KCNA3: variants seen among roughly 807,000 people sequenced by gnomAD.
The protein encoded by KCNA3 is RP11-284N8.3.
KCNA3 carries 18 observed loss-of-function variants against 34.3 expected under a neutral mutation model. The ratio of observed to expected loss-of-function variants is 0.52; its 90% CI spans 0.36 to 0.78. The LOEUF (loss-of-function observed/expected upper bound fraction) is 0.78. Among genes scored for constraint, KCNA3 ranks in the 30% least tolerant of loss-of-function variants. The pLI, the probability that KCNA3 is intolerant of heterozygous loss-of-function variation, is 0.00. For synonymous variants in KCNA3, 324 were observed against 351.7 expected (o/e 0.92, Z 0.88); for missense variants, 587 against 802.5 (o/e 0.73, Z 3.24).
Position 110,674,004 on chromosome 1 carries a change from G to T in KCNA3, c.806C>A (p.Thr269Lys), listed in dbSNP as rs1452444873. The T allele has an allele frequency of 1.9e-6, 3 of 1,613,140 alleles. No individual in the cohort carries two copies. The highest frequency in any genetic ancestry group is 1.7e-5 in the Admixed American group (1 of 59,972). ...FRDEKDYPAS[T>K]SQDSFEAAGN... ...GGCTGCTTCGAATGAGTCCTGCGAC[G>T]TCGAGGCGGGGTAGTCCTTCTCGTC... Residue 269 changes from threonine to lysine, a missense_variant, in exon 1 of 1, where the codon ACG becomes AAG. Thr to Lys is a moderately conservative substitution (Grantham distance 78). Transcript: ENST00000369769. The surrounding 1 kb of genome is among the most constrained non-coding windows in gnomAD (Gnocchi z 6.4).
Position 110,674,852 on chromosome 1 carries a change from C to T in KCNA3, c.-43G>A. ...GCAGCGGTGAGGCCAGGTCGCTCCT[C>T]CTCGCGCTCCCCGCCCTTTCGCCGC... On this transcript the variant is annotated 5_prime_UTR_variant, in exon 1 of 1. Coordinates refer to ENST00000369769, the MANE Select transcript of KCNA3 (RefSeq NM_002232.5). The surrounding 1 kb of genome is among the most constrained non-coding windows in gnomAD (Gnocchi z 6.4). 1 of 1,282,800 alleles carries T rather than the reference C, an allele frequency of 7.8e-7. No homozygotes were observed. The highest frequency in any genetic ancestry group is 9.8e-7 in the Non-Finnish European group (1 of 1,018,200). 79.5% of individuals were successfully genotyped at this position (1,282,800 alleles called of 1,614,324 possible). A position where few individuals can be genotyped will look rare whatever the true frequency, so the allele number is the denominator to read the frequency against.
At chr1:110,659,215 T>C in the KCNA3 span, among the ~76,000 whole-genome samples, 1 of 124,814 alleles carries the variant, frequency 8.0e-6, no homozygotes, top group Non-Finnish European at 1.7e-5. Flanking sequence ...GTTGGCTTGC[T>C]AGAAACAAAT....
At chr1:110,663,110 C>T in the KCNA3 span, among the ~76,000 whole-genome samples, 3 of 152,180 alleles carry the variant, frequency 2.0e-5, no homozygotes, top group South Asian at 2.1e-4. Flanking sequence ...AATGTAATGG[C>T]ACATAAGGCT....
chr1:110,667,167 C>G, the KCNA3 span, among the ~76,000 whole-genome samples: 5 of 151,888 alleles, frequency 3.3e-5, no homozygotes, highest in Non-Finnish European at 5.9e-5. Flanking sequence ...AAATAAGAAC[C>G]TTAGGATTCA....
At chr1:110,668,451 C>A (rs535163896), downstream of KCNA3, among the ~76,000 whole-genome samples, 2 of 152,240 alleles carry the variant, frequency 1.3e-5, no homozygotes, top group African/African-American at 2.4e-5. Context: ...TCTTTATATA[C>A]TATAGCAAAA....
chr1:110,660,418 T>G, the KCNA3 span, among the ~76,000 whole-genome samples: 2 of 152,126 alleles, frequency 1.3e-5, no homozygotes, highest in African/African-American at 4.8e-5. Flanking sequence ...TTCCAAGGAT[T>G]TTTTTTCCTG....
chr1:110,666,237 C>T, the KCNA3 span, among the ~76,000 whole-genome samples: 1 of 151,980 alleles, frequency 6.6e-6, no homozygotes, highest in Non-Finnish European at 1.5e-5. Context: ...TAATCAAGGG[C>T]ATCTTAAATT....
At chr1:110,668,192 A>ATATC (rs1197635860), downstream of KCNA3, among the ~76,000 whole-genome samples, 1 of 152,130 alleles carries the variant, frequency 6.6e-6, no homozygotes, top group East Asian at 1.9e-4. Context: ...GCAGCCCTAA[A>ATATC]TATCCTCTTC....
Position 110,673,349 on chromosome 1 carries a change from G to A in KCNA3, c.1461C>T (p.Tyr487=), listed in dbSNP as rs781278166. The change falls in exon 1 of 1, where the codon TAC becomes TAT. Residue 487 remains tyrosine, a synonymous_variant. Coordinates refer to ENST00000369769, the MANE Select transcript of KCNA3 (RefSeq NM_002232.5). The surrounding 1 kb of genome is among the most constrained non-coding windows in gnomAD (Gnocchi z 8.8). ...PVIVSNFNYF[Y]HRETEGEEQS... is the part of the protein sequence containing the mutation. ...GCTCTTCCCCTTCTGTCTCCCGGTG[G>A]TAGAAGTAATTGAAGTTGGAAACAA... 2 of 1,614,116 alleles carry A rather than the reference G, an allele frequency of 1.2e-6. No homozygotes were observed. The highest frequency in any genetic ancestry group is 2.2e-5 in the East Asian group (1 of 44,884).
chr1:110,674,818 G>C lies in KCNA3; in HGVS notation c.-9C>G, dbSNP rs947137661. 457 of 1,305,454 alleles carry C rather than the reference G, an allele frequency of 3.5e-4. No individual in the cohort carries two copies. The highest frequency in any genetic ancestry group is 4.3e-4 in the Non-Finnish European group (440 of 1,031,896). The allele number at this position is 1,305,454 out of a possible 1,614,324, so 80.9% of individuals were successfully genotyped here. On this transcript the variant is annotated 5_prime_UTR_variant, in exon 1 of 1. Coordinates refer to ENST00000369769, the MANE Select transcript of KCNA3 (RefSeq NM_002232.5). This position sits in a 1 kb window ranked among gnomAD's most constrained non-coding sequence, Gnocchi z 6.4. ...CTGAGGCGCTCGTCCATGCGGCGGG[G>C]AAGAGGCGGCAGCGGTGAGGCCAGG...
At chr1:110,668,605 C>T (rs1334598574), downstream of KCNA3, among the ~76,000 whole-genome samples, 1 of 152,138 alleles carries the variant, frequency 6.6e-6, no homozygotes, top group African/African-American at 2.4e-5. Flanking sequence ...TGACATAATG[C>T]TTCCTCCTAT....
chr1:110,672,167 G>A (rs1158521619), downstream of KCNA3, among the ~76,000 whole-genome samples: 1 of 152,154 alleles, frequency 6.6e-6, no homozygotes, highest in Non-Finnish European at 1.5e-5. Flanking sequence ...CCTTTTTCGG[G>A]TTTCCCAGGA....
downstream of KCNA3, among the ~76,000 whole-genome samples, chr1:110,671,228 G>C (rs550525725): frequency 6.6e-6 from 1 of 152,332 alleles, no homozygotes; most frequent in African/African-American, 2.4e-5. Context: ...AGTTTGGCTT[G>C]AGTGAAGGTT....
In KCNA3 at chr1:110,674,440, G is replaced by GC; in HGVS notation, c.369_370insG (p.Gln124AlafsTer196). 1 of 1,614,120 alleles carries GC rather than the reference G, an allele frequency of 6.2e-7. No homozygotes were observed. Among genetic ancestry groups the GC allele is most frequent in the Non-Finnish European group, 8.5e-7 (1 of 1,179,998 alleles). ...TCGCCCAGCAGCGTCTCGGGGAACT[G>GC]GCAAAGGGTCTTCAGCTGCGTCTCG... On this transcript the variant is annotated frameshift_variant, in exon 1 of 1. Transcript: ENST00000369769. LOFTEE classifies it high-confidence loss of function. The surrounding 1 kb of genome is among the most constrained non-coding windows in gnomAD (Gnocchi z 6.4).
In KCNA3 at chr1:110,674,157, C is replaced by A; in HGVS notation, c.653G>T (p.Arg218Leu). Residue 218 changes from arginine to leucine, a missense_variant, in exon 1 of 1, where the codon CGC becomes CTC. Arg to Leu is a moderately radical substitution (Grantham distance 102). Transcript: ENST00000369769. This position sits in a 1 kb window ranked among gnomAD's most constrained non-coding sequence, Gnocchi z 6.4. ...GTACTCGAAGAGCAGCCACACCTGG[C>A]GCTGGAAGTCGCGGCGGGGCAAGGG... ...ERPLPRRDFQ[R>L]QVWLLFEYPE... 1 of 1,613,226 alleles carries A rather than the reference C, an allele frequency of 6.2e-7. No homozygotes were observed. The highest frequency in any genetic ancestry group is 8.5e-7 in the Non-Finnish European group (1 of 1,179,622).
chr1:110,657,557 A>G, the KCNA3 span, among the ~76,000 whole-genome samples: 3 of 152,164 alleles, frequency 2.0e-5, no homozygotes, highest in Admixed American at 6.5e-5. Context: ...CATTTTTACT[A>G]TCCTTTCTGT....
downstream of KCNA3, among the ~76,000 whole-genome samples, chr1:110,669,265 T>C (rs1434767247): frequency 6.6e-6 from 1 of 151,954 alleles, no homozygotes; most frequent in Admixed American, 6.6e-5. Flanking sequence ...CTATCATCTA[T>C]TGTTGATTAA....
In KCNA3 at chr1:110,673,394, G is replaced by A. The variant is rs1211554731; in HGVS notation, c.1416C>T (p.Ile472=). The change falls in exon 1 of 1, where the codon ATC becomes ATT. Residue 472 remains isoleucine (I), a synonymous_variant. Transcript: ENST00000369769. The surrounding 1 kb of genome is among the most constrained non-coding windows in gnomAD (Gnocchi z 8.8). ...AAACAATCACGGGAACTGGCAATGC[G>A]ATGGTCAAGACACCGGCGATGGCAC... The part of the protein sequence containing the change: ...SLCAIAGVLT[I]ALPVPVIVSN... 6 of 1,614,120 alleles carry A rather than the reference G, an allele frequency of 3.7e-6. No individual in the cohort carries two copies. The African/African-American group carries it at 6.7e-5, about 18-fold the overall frequency.
At chr1:110,655,175 T>C in the KCNA3 span, 1 of 152,102 alleles carries the variant, frequency 6.6e-6, no homozygotes, top group African/African-American at 2.4e-5. Context: ...TGTGTGTGTA[T>C]GTGTGTAAGA....
Sources: gnomAD v4.1 joint callset for allele counts (sites outside exome capture counted in the v4.1 genomes callset) on GRCh38, gnomAD v4.1.1 for gene constraint, Gnocchi (gnomAD v3.1) non-coding constraint, MANE v1.5 for transcripts, NCBI Gene and HGNC (gene_info 2026-07-23, HGNC 2026-07-21) for gene names.